CFTR: variants seen among roughly 807,000 people sequenced by gnomAD.
CFTR encodes the protein CF transmembrane conductance regulator.
CFTR carries 181 observed loss-of-function variants against 171.6 expected under a neutral mutation model. The ratio of observed to expected loss-of-function variants is 1.05; its 90% CI spans 0.93 to 1.19. CFTR has a LOEUF of 1.19. Ranked by LOEUF, CFTR falls within the 50% of genes most tolerant of loss-of-function variation. The pLI is 0.00. For missense variants in CFTR, 1,968 were observed against 1,734.7 expected, an observed-to-expected ratio of 1.13 and a Z score of -2.39; for synonymous variants, 583 against 608.0, an observed-to-expected ratio of 0.96 and a Z score of 0.60.
At chr7:117,556,470 C>CG (rs1584796866) in intron 10 of CFTR, among the ~76,000 whole-genome samples, 2 of 149,470 alleles carry the variant, frequency 1.3e-5, no homozygotes, top group East Asian at 2.0e-4. Context: ...TTTTTCCAAG[C>CG]GGTCCCTTAT....
intron 22 of CFTR, among the ~76,000 whole-genome samples, chr7:117,638,508 G>A (rs369856520): frequency 1.3e-5 from 2 of 152,214 alleles, no homozygotes; most frequent in East Asian, 3.9e-4. Context: ...GGCCAAGGCA[G>A]GCGGATCACT....
intron 3 of CFTR, among the ~76,000 whole-genome samples, chr7:117,521,499 A>G (rs1296197224): frequency 6.6e-6 from 1 of 152,136 alleles, no homozygotes; most frequent in Non-Finnish European, 1.5e-5. Context: ...TTTATTGGAA[A>G]CATATTGAAA....
Position 117,493,699 on chromosome 7 carries a change from A to G in CFTR, c.54-10554A>G, listed in dbSNP as rs901869042. On this transcript the variant is annotated intron_variant, in intron 1 of 26. Transcript: ENST00000003084. The stretch of plus-strand genomic sequence containing the variant: ...TGTCTACATACTGCTCCCCAAAAAG[A>G]GAAGTAAAGAAGATGCTAACTTTCC... 3.5e-4 allele frequency among the ~76,000 whole-genome samples: 54 copies of G among 152,256 alleles called. 1 individual carries two copies. The highest frequency in any genetic ancestry group is 3.4e-3 in the Middle Eastern group (1 of 294).
At chr7:117,569,804 G>A (rs149540798) in intron 11 of CFTR, among the ~76,000 whole-genome samples, 3 of 152,176 alleles carry the variant, frequency 2.0e-5, no homozygotes, top group East Asian at 3.9e-4. Flanking sequence ...GAAGTTGAGC[G>A]AATTCATATT....
intron 1 of CFTR, among the ~76,000 whole-genome samples, chr7:117,486,112 A>T (rs1483771811): frequency 6.6e-6 from 1 of 152,174 alleles, no homozygotes; most frequent in Non-Finnish European, 1.5e-5. Flanking sequence ...TTTGTAGGAT[A>T]GCATGCTTGC....
chr7:117,546,444 G>A (rs1354786731), intron 9 of CFTR, among the ~76,000 whole-genome samples: 2 of 151,986 alleles, frequency 1.3e-5, no homozygotes, highest in Non-Finnish European at 1.5e-5. Flanking sequence ...CTGTATATAT[G>A]ATTTTTAGTA....
intron 15 of CFTR, among the ~76,000 whole-genome samples, chr7:117,596,800 C>T (rs1419562853): frequency 6.6e-6 from 1 of 152,160 alleles, no homozygotes; most frequent in East Asian, 1.9e-4. Flanking sequence ...CCAATGTGCA[C>T]TCTGTATCTA....
At chr7:117,547,527 T>C (rs1301537081) in intron 9 of CFTR, among the ~76,000 whole-genome samples, 1 of 151,890 alleles carries the variant, frequency 6.6e-6, no homozygotes, top group South Asian at 2.1e-4. Flanking sequence ...AAAATTAAAA[T>C]AATTAAATAA....
intron 3 of CFTR, among the ~76,000 whole-genome samples, chr7:117,511,551 T>C (rs1798518774): frequency 6.6e-6 from 1 of 152,156 alleles, no homozygotes; most frequent in Non-Finnish European, 1.5e-5. Context: ...CAACTCCTAC[T>C]GATAACCAAT....
chr7:117,533,552 G>C (rs1014868770), intron 4 of CFTR, among the ~76,000 whole-genome samples: 6 of 152,076 alleles, frequency 3.9e-5, no homozygotes, highest in Non-Finnish European at 4.4e-5. Flanking sequence ...AAATATGTGA[G>C]GGATTCACTT....
chr7:117,663,099 C>T (rs1455110667), intron 24 of CFTR, among the ~76,000 whole-genome samples: 1 of 152,020 alleles, frequency 6.6e-6, no homozygotes, highest in African/African-American at 2.4e-5. Flanking sequence ...TTCTAGATGA[C>T]TAAATGGGCA....
chr7:117,647,049 C>T (rs1793004946), intron 23 of CFTR, among the ~76,000 whole-genome samples: 1 of 152,036 alleles, frequency 6.6e-6, no homozygotes, highest in South Asian at 2.1e-4. Flanking sequence ...TGTTACAAAC[C>T]TTAAATATTT....
intron 1 of CFTR, among the ~76,000 whole-genome samples, chr7:117,502,924 C>T (rs1798355241): frequency 6.6e-6 from 1 of 152,124 alleles, no homozygotes; most frequent in Admixed American, 6.5e-5. Flanking sequence ...AGCCCTAATT[C>T]AGTTAAGTTT....
rs766394173 is a variant in CFTR at position 117,642,424 on chromosome 7, C to G, written c.3718-14C>G. On this transcript the variant is annotated splice_polypyrimidine_tract_variant and intron_variant, in intron 22 of 26. Transcript: ENST00000003084. ...ATATGTCACAGAAGTGATCCCATCA[C>G]TTTTACCTTATAGGTGGGCCTCTTG... The G allele has an allele frequency of 6.2e-7, 1 of 1,612,298 alleles. No individual in the cohort carries two copies. The highest frequency in any genetic ancestry group is 8.5e-7 in the Non-Finnish European group (1 of 1,178,474).
chr7:117,485,293 A>T (rs1259771993), intron 1 of CFTR, among the ~76,000 whole-genome samples: 1 of 152,178 alleles, frequency 6.6e-6, no homozygotes, highest in African/African-American at 2.4e-5. Context: ...TCTCTGACTC[A>T]GCAGCAATTT....
intron 1 of CFTR, among the ~76,000 whole-genome samples, chr7:117,481,200 T>G (rs1169301972): frequency 6.6e-6 from 1 of 152,234 alleles, no homozygotes; most frequent in African/African-American, 2.4e-5. Flanking sequence ...CTGTTGGCCC[T>G]TGAAGGAGAG....
chr7:117,617,484 C>G (rs1298780440), intron 21 of CFTR, among the ~76,000 whole-genome samples: 1 of 152,092 alleles, frequency 6.6e-6, no homozygotes, highest in Non-Finnish European at 1.5e-5. Context: ...ATTATATTCC[C>G]TAAGATAGCT....
chr7:117,531,421 A>G (rs1415798138), intron 4 of CFTR, among the ~76,000 whole-genome samples: 1 of 152,104 alleles, frequency 6.6e-6, no homozygotes, highest in Non-Finnish European at 1.5e-5. Flanking sequence ...CACAGCCTAC[A>G]TAAAAGTAAT....
chr7:117,621,085 G>T (rs1377836017), intron 21 of CFTR, among the ~76,000 whole-genome samples: 1 of 152,080 alleles, frequency 6.6e-6, no homozygotes, highest in Non-Finnish European at 1.5e-5. Flanking sequence ...CTGGTGACAG[G>T]GTGAGACTCC....
Sources: gnomAD v4.1 joint callset for allele counts (sites outside exome capture counted in the v4.1 genomes callset) on GRCh38, gnomAD v4.1.1 for gene constraint, MANE v1.5 for transcripts, NCBI Gene and HGNC (gene_info 2026-07-23, HGNC 2026-07-21) for gene names.